Variants in DISC1 observed in about 807,000 individuals in gnomAD.
DISC1 encodes disrupted in schizophrenia 1 protein.
A neutral mutation model predicts 84.5 loss-of-function variants in DISC1; 57 were observed. The observed-to-expected ratio is 0.67, with a 90% CI of 0.55 to 0.84. The LOEUF (loss-of-function observed/expected upper bound fraction) is 0.84, where lower values mean the gene tolerates loss of function less well. Among genes scored for constraint, DISC1 ranks in the 40% least tolerant of loss-of-function variants. The pLI is 0.00. For missense variants in DISC1, 1,000 were observed against 1,057.8 expected (o/e 0.95, Z 0.76); for synonymous variants, 411 against 415.2 (o/e 0.99, Z 0.12).
At chr1:232,022,002 G>A (rs932417081) in intron 11 of DISC1, among the ~76,000 whole-genome samples, 4 of 152,158 alleles carry the variant, frequency 2.6e-5, no homozygotes, top group African/African-American at 7.2e-5. Flanking sequence ...CTGGGTTCCA[G>A]GGTGGGTGAT....
rs188638484 is a variant in DISC1, at chr1:231,922,932, T to G, written c.1982-35896T>G. On this transcript the variant is annotated intron_variant, in intron 9 of 12. Transcript: ENST00000439617. The stretch of plus-strand genomic sequence containing the variant: ...ACTCCCAACTTGAGAAAATGCAATA[T>G]TTATACATTTAAAACAGCCAAAATG... Among the ~76,000 whole-genome samples the G allele has an allele frequency of 7.9e-5, 12 of 152,176 alleles. No homozygotes were observed. The East Asian group carries it at 1.9e-3, about 25-fold the overall frequency.
At chr1:231,840,300 G>A (rs912695052) in intron 9 of DISC1, among the ~76,000 whole-genome samples, 8 of 151,952 alleles carry the variant, frequency 5.3e-5, no homozygotes, top group Non-Finnish European at 8.8e-5. Flanking sequence ...TCCACTCCTG[G>A]GTACTTATTT....
chr1:231,849,118 C>A (rs1403716090), intron 9 of DISC1, among the ~76,000 whole-genome samples: 2 of 92,116 alleles, frequency 2.2e-5, no homozygotes, highest in African/African-American at 4.4e-5. Context: ...GAATTATTAT[C>A]CTCATTTTTT....
rs139013297 is a variant in DISC1, at chr1:231,866,486, C to G, written c.1981+47969C>G. The G allele has an allele frequency of 7.7e-6, 6 of 783,838 alleles. No homozygotes were observed. The African/African-American group carries it at 1.0e-4, about 13-fold the overall frequency. 48.6% of individuals were successfully genotyped at this position (783,838 alleles called of 1,614,324 possible). On this transcript the variant is annotated intron_variant, in intron 9 of 12. Transcript: ENST00000439617. ...CTTATTACAAGGCTCCAGGCACTTT[C>G]GAAGTCCTTAATATTTAATGTTCAC...
At chr1:231,937,762 C>G (rs1423853858) in intron 9 of DISC1, among the ~76,000 whole-genome samples, 1 of 152,006 alleles carries the variant, frequency 6.6e-6, no homozygotes, top group Non-Finnish European at 1.5e-5. Flanking sequence ...GGAAGCACAG[C>G]AGCTTGGTAG....
chr1:231,964,777 G>A (rs1660873607), intron 10 of DISC1, among the ~76,000 whole-genome samples: 1 of 152,186 alleles, frequency 6.6e-6, no homozygotes, highest in East Asian at 1.9e-4. Flanking sequence ...CTGACACAGT[G>A]GTGCATCTTA....
chr1:231,841,218 C>A (rs1011907917), intron 9 of DISC1, among the ~76,000 whole-genome samples: 16 of 152,186 alleles, frequency 1.1e-4, no homozygotes, highest in African/African-American at 3.6e-4. Context: ...ACTTTTGGTC[C>A]TAAGCATTTC....
At chr1:231,886,994 T>G (rs556828924) in intron 9 of DISC1, among the ~76,000 whole-genome samples, 2 of 151,766 alleles carry the variant, frequency 1.3e-5, no homozygotes, top group African/African-American at 4.8e-5. Context: ...CCCGAGTACC[T>G]GGGACTATAG....
chr1:231,902,622 A>T (rs976909852), intron 9 of DISC1, among the ~76,000 whole-genome samples: 28 of 152,040 alleles, frequency 1.8e-4, no homozygotes, highest in African/African-American at 6.5e-4. Flanking sequence ...AAAACTCATT[A>T]TCTTAGTGTC....
intron 9 of DISC1, among the ~76,000 whole-genome samples, chr1:231,912,759 TTC>T (rs765445424): frequency 9.0e-6 from 1 of 111,588 alleles, no homozygotes. Context: ...CTTTCTTTCT[TTC>T]TTTCTTTCTT....
At chr1:231,939,974 C>T (rs1223238851) in intron 9 of DISC1, among the ~76,000 whole-genome samples, 1 of 152,082 alleles carries the variant, frequency 6.6e-6, no homozygotes, top group Non-Finnish European at 1.5e-5. Context: ...AACTCATGAC[C>T]TCAGGTGATC....
chr1:231,740,760 T>G (rs2125260076), intron 3 of DISC1, among the ~76,000 whole-genome samples: 1 of 152,342 alleles, frequency 6.6e-6, no homozygotes, highest in Non-Finnish European at 1.5e-5. Context: ...TTTGTACATC[T>G]TATACACATA....
chr1:231,723,111 G>T (rs1356330944), intron 3 of DISC1: 1 of 975,132 alleles, frequency 1.0e-6, no homozygotes, highest in African/African-American at 1.8e-5. Context: ...AGAAATCCAC[G>T]TGTACTCAAG....
chr1:231,876,942 T>C (rs750023664), intron 9 of DISC1, among the ~76,000 whole-genome samples: 4 of 152,182 alleles, frequency 2.6e-5, no homozygotes, highest in Non-Finnish European at 5.9e-5. Flanking sequence ...CACTGCTAAA[T>C]GGTTCCACCT....
intron 3 of DISC1, among the ~76,000 whole-genome samples, chr1:231,749,237 G>A (rs2074338053): frequency 6.6e-6 from 1 of 152,100 alleles, no homozygotes; most frequent in African/African-American, 2.4e-5. Flanking sequence ...TTTTGGTGGG[G>A]GTAGGGGGGC....
chr1:231,725,448 C>T (rs768266019), intron 3 of DISC1, among the ~76,000 whole-genome samples: 1 of 152,158 alleles, frequency 6.6e-6, no homozygotes, highest in African/African-American at 2.4e-5. Flanking sequence ...TGGCAACTAC[C>T]GGAAGTTACT....
chr1:231,939,867 CAAGTAGCTGGA>C, intron 9 of DISC1, among the ~76,000 whole-genome samples: 1 of 152,144 alleles, frequency 6.6e-6, no homozygotes. Flanking sequence ...CTCAGCCTCC[CAAGTAGCTGGA>C]ATCACAGGCA....
chr1:231,740,889 A>G (rs538202974), intron 3 of DISC1, among the ~76,000 whole-genome samples: 4 of 152,350 alleles, frequency 2.6e-5, no homozygotes, highest in Admixed American at 2.6e-4. Flanking sequence ...TACTTATGGC[A>G]TCATGTCAGC....
intron 10 of DISC1, among the ~76,000 whole-genome samples, chr1:231,969,594 C>CTTTT: frequency 1.3e-5 from 1 of 78,950 alleles, no homozygotes; most frequent in East Asian, 3.0e-4. Context: ...TTCTTTCTTT[C>CTTTT]TTTCTTTTTT....
Sources: gnomAD v4.1 joint callset for allele counts (sites outside exome capture counted in the v4.1 genomes callset) on GRCh38, gnomAD v4.1.1 for gene constraint, MANE v1.5 for transcripts, NCBI Gene and HGNC (gene_info 2026-07-23, HGNC 2026-07-21) for gene names.